Variants in COG5 observed in about 807,000 individuals in gnomAD.
COG5 encodes component of oligomeric golgi complex 5.
COG5 carries 86 observed loss-of-function variants against 110.4 expected under a neutral mutation model. The observed-to-expected ratio is 0.78, with a 90% CI of 0.65 to 0.93. The LOEUF (loss-of-function observed/expected upper bound fraction) is 0.93. Ranked by LOEUF, COG5 falls within the 40% of genes least tolerant of loss-of-function variation. COG5 has a pLI of 0.00. For synonymous variants in COG5, 360 were observed against 334.6 expected (o/e 1.08, Z -0.83); for missense variants, 1,077 against 987.0 (o/e 1.09, Z -1.22).
intron 6 of COG5, among the ~76,000 whole-genome samples, chr7:107,515,216 T>C (rs1365263950): frequency 6.6e-6 from 1 of 152,128 alleles, no homozygotes; most frequent in East Asian, 1.9e-4. Context: ...AAGTCAAAAA[T>C]AGATTAGATA....
At position 107,201,496 on chromosome 7, in the gene COG5, A is replaced by ATG; in HGVS notation, c.*2019_*2020insCA. 4 of 1,013,614 alleles carry ATG rather than the reference A, an allele frequency of 3.9e-6. No individual in the cohort carries two copies. The highest frequency in any genetic ancestry group is 6.2e-6 in the Non-Finnish European group (4 of 644,468). 62.8% of individuals were successfully genotyped at this position (1,013,614 alleles called of 1,614,324 possible). ...CATTGACTCTTGATGGAAAGACTTA[A>ATG]GAAGATCAAGGTCTCACCATTTGTC... On this transcript the variant is annotated 3_prime_UTR_variant, in exon 22 of 22. Transcript: ENST00000297135.
intron 21 of COG5, chr7:107,210,028 T>C: frequency 9.9e-7 from 1 of 1,012,476 alleles, no homozygotes; most frequent in Non-Finnish European, 1.2e-6. Context: ...CAAGAGCACA[T>C]GCGTATGTAT....
intron 11 of COG5, among the ~76,000 whole-genome samples, chr7:107,311,443 G>T (rs1343576964): frequency 6.5e-5 from 8 of 123,924 alleles, no homozygotes; most frequent in Non-Finnish European, 1.3e-4. Flanking sequence ...CCAGACTGCG[G>T]ACTGCAGTGG....
chr7:107,349,179 T>C (rs898215719), intron 10 of COG5, among the ~76,000 whole-genome samples: 3 of 152,348 alleles, frequency 2.0e-5, no homozygotes, highest in Middle Eastern at 3.4e-3. Flanking sequence ...CAACTGACTT[T>C]TATATATTGA....
At position 107,554,302 on chromosome 7, in the gene COG5, C is replaced by T. The variant is rs1158076276; in HGVS notation, c.275G>A (p.Gly92Glu). The T allele has an allele frequency of 6.2e-7, 1 of 1,613,788 alleles. No homozygotes were observed. The highest frequency in any genetic ancestry group is 8.5e-7 in the Non-Finnish European group (1 of 1,179,860). ...AAATATACCTTCCAACGACTCAATC[C>T]CAGTTGCTTGTGCCAGTAAATCTTC... Reference protein sequence around the residue: ...RHEDLLAQATGIESLEGVLQM... With the variant: ...RHEDLLAQATEIESLEGVLQM... Residue 92 changes from glycine to glutamate, a missense_variant, in exon 3 of 22, where the codon GGG becomes GAG. Transcript: ENST00000297135.
At chr7:107,541,811 C>T (rs953433155) in intron 5 of COG5, among the ~76,000 whole-genome samples, 1 of 150,454 alleles carries the variant, frequency 6.6e-6, no homozygotes, top group African/African-American at 2.4e-5. Context: ...GGCACCTGTA[C>T]TCCCAGCTAC....
intron 6 of COG5, among the ~76,000 whole-genome samples, chr7:107,496,608 C>G (rs2129132535): frequency 6.8e-6 from 1 of 146,672 alleles, no homozygotes; most frequent in East Asian, 2.1e-4. Flanking sequence ...TGCAGTGAAC[C>G]AAGATCGTGT....
At chr7:107,288,962 A>T (rs1430926008) in intron 12 of COG5, among the ~76,000 whole-genome samples, 5 of 92,468 alleles carry the variant, frequency 5.4e-5, no homozygotes, top group Admixed American at 4.6e-4. Flanking sequence ...ATATATATAT[A>T]TTTAAAAATT....
At chr7:107,246,402 G>T (rs1404671803) in intron 17 of COG5, among the ~76,000 whole-genome samples, 2 of 152,086 alleles carry the variant, frequency 1.3e-5, no homozygotes, top group East Asian at 1.9e-4. Flanking sequence ...CACAGCAAAA[G>T]AAATTATCAA....
chr7:107,539,128 T>C (rs769882689), intron 5 of COG5, among the ~76,000 whole-genome samples: 2 of 151,794 alleles, frequency 1.3e-5, no homozygotes, highest in Non-Finnish European at 2.9e-5. Flanking sequence ...AAATTAAAAT[T>C]TAAAAAAAAA....
chr7:107,375,922 A>G (rs1213569970), intron 7 of COG5, among the ~76,000 whole-genome samples: 1 of 152,004 alleles, frequency 6.6e-6, no homozygotes, highest in African/African-American at 2.4e-5. Context: ...TCATTCATAA[A>G]GTTATCCTCC....
At chr7:107,478,686 C>T (rs952052279) in intron 6 of COG5, among the ~76,000 whole-genome samples, 2 of 151,770 alleles carry the variant, frequency 1.3e-5, no homozygotes, top group African/African-American at 4.8e-5. Context: ...ATATAGGGTT[C>T]AATACTATCC....
At chr7:107,302,556 T>G (rs1807360149) in intron 11 of COG5, among the ~76,000 whole-genome samples, 1 of 152,206 alleles carries the variant, frequency 6.6e-6, no homozygotes, top group Admixed American at 6.5e-5. Flanking sequence ...TAAAGCTATT[T>G]AAGAGAAATT....
chr7:107,364,236 A>G (rs548231575), intron 8 of COG5, among the ~76,000 whole-genome samples: 1 of 152,320 alleles, frequency 6.6e-6, no homozygotes, highest in Non-Finnish European at 1.5e-5. Flanking sequence ...ATGAATCCAG[A>G]CAAATTCAGA....
chr7:107,398,211 C>CT (rs1791151284), intron 7 of COG5, among the ~76,000 whole-genome samples: 1 of 152,148 alleles, frequency 6.6e-6, no homozygotes, highest in Non-Finnish European at 1.5e-5. Flanking sequence ...CAAAAGCAGT[C>CT]TACCAACTTA....
At chr7:107,249,985 C>A (rs190636703) in intron 16 of COG5, among the ~76,000 whole-genome samples, 1 of 152,070 alleles carries the variant, frequency 6.6e-6, no homozygotes, top group African/African-American at 2.4e-5. Flanking sequence ...GAGACAGAGG[C>A]AGCAAGAGGT....
At chr7:107,380,831 C>G (rs1434988273) in intron 7 of COG5, among the ~76,000 whole-genome samples, 7 of 152,070 alleles carry the variant, frequency 4.6e-5, no homozygotes, top group Non-Finnish European at 1.0e-4. Context: ...CATCCTGATA[C>G]CAAAACCTGG....
intron 10 of COG5, among the ~76,000 whole-genome samples, chr7:107,326,634 G>C (rs540688795): frequency 6.6e-6 from 1 of 152,130 alleles, no homozygotes; most frequent in African/African-American, 2.4e-5. Context: ...CGATATGGTT[G>C]AAAGAAATTA....
chr7:107,452,626 G>A (rs944594650), intron 6 of COG5, among the ~76,000 whole-genome samples: 3 of 152,136 alleles, frequency 2.0e-5, no homozygotes, highest in African/African-American at 7.2e-5. Context: ...TCATCCATGA[G>A]AGACATGACT....
Sources: gnomAD v4.1 joint callset for allele counts (sites outside exome capture counted in the v4.1 genomes callset) on GRCh38, gnomAD v4.1.1 for gene constraint, MANE v1.5 for transcripts, NCBI Gene and HGNC (gene_info 2026-07-23, HGNC 2026-07-21) for gene names.